The following EHBP1 variants were observed in gnomAD, a reference collection of about 807,000 sequenced individuals.
EHBP1 encodes the protein EH domain binding protein 1, also known as EH domain-binding protein 1.
In EHBP1, 55 loss-of-function variants were observed where a neutral mutation model predicts 144.0. That is an observed-to-expected ratio of 0.38 (90% CI 0.31 to 0.48). The LOEUF is 0.48. Among genes scored for constraint, EHBP1 ranks in the 20% least tolerant of loss-of-function variants. EHBP1 has a pLI of 0.98. For missense variants in EHBP1, 1,200 were observed against 1,364.2 expected (o/e 0.88, Z 1.90); for synonymous variants, 469 against 472.7 (o/e 0.99, Z 0.10).
At chr2:62,783,456 C>G (rs2042584918) in intron 5 of EHBP1, among the ~76,000 whole-genome samples, 1 of 152,248 alleles carries the variant, frequency 6.6e-6, no homozygotes, top group South Asian at 2.1e-4. Flanking sequence ...TCTGCCCCTG[C>G]AGCAAACTTC....
chr2:63,035,923 A>T (rs1207813203), intron 19 of EHBP1, among the ~76,000 whole-genome samples: 1 of 152,074 alleles, frequency 6.6e-6, no homozygotes, highest in Non-Finnish European at 1.5e-5. Context: ...GCTACCCTAA[A>T]AGAGAGATTA....
chr2:62,784,811 C>A (rs906015777), intron 5 of EHBP1, among the ~76,000 whole-genome samples: 3 of 152,074 alleles, frequency 2.0e-5, no homozygotes, highest in Admixed American at 6.5e-5. Flanking sequence ...GTGTGCCATA[C>A]CGAGGAATTT....
intron 19 of EHBP1, among the ~76,000 whole-genome samples, chr2:63,018,886 G>A (rs1250642432): frequency 1.3e-5 from 2 of 152,116 alleles, no homozygotes; most frequent in East Asian, 3.9e-4. Context: ...CCAGGAAAAT[G>A]TGTTTTTCCT....
chr2:63,037,637 A>G lies in EHBP1; in HGVS notation c.3203+3A>G. The G allele has an allele frequency of 6.5e-7, 1 of 1,540,858 alleles. No homozygotes were observed. Among genetic ancestry groups the G allele is most frequent in the African/African-American group, 1.4e-5 (1 of 72,954 alleles). On this transcript the variant is annotated splice_donor_region_variant and intron_variant, in intron 20 of 22. Transcript: ENST00000431489. The stretch of plus-strand genomic sequence containing the variant: ...AGAATGAATCAGCTCTCTCTTCTGT[A>G]AGTACTCATCATTATGCTTGTTTTG...
At chr2:63,038,721 T>C (rs767383976) in intron 20 of EHBP1, 22 bp from the exon 21 acceptor site, 3 of 1,610,290 alleles carry the variant, frequency 1.9e-6, no homozygotes, top group Non-Finnish European at 8.5e-7. Flanking sequence ...AGCATATTGA[T>C]GAACTTTTGC....
At chr2:62,899,351 G>A (rs548021284) in intron 10 of EHBP1, among the ~76,000 whole-genome samples, 1 of 152,116 alleles carries the variant, frequency 6.6e-6, no homozygotes, top group Admixed American at 6.5e-5. Flanking sequence ...AGTGTCTCAA[G>A]GTACAAGACA....
At chr2:63,007,449 G>A (rs1036876801) in intron 19 of EHBP1, among the ~76,000 whole-genome samples, 1 of 151,698 alleles carries the variant, frequency 6.6e-6, no homozygotes, top group African/African-American at 2.4e-5. Flanking sequence ...ATATATGTAG[G>A]TATGTGTGTG....
At chr2:62,830,195 C>CACACACACACACAT (rs1400040654) in intron 6 of EHBP1, among the ~76,000 whole-genome samples, 8 of 116,296 alleles carry the variant, frequency 6.9e-5, no homozygotes, top group Middle Eastern at 4.9e-3. Context: ...CACACACACA[C>CACACACACACACAT]ATATATATAC....
intron 2 of EHBP1, among the ~76,000 whole-genome samples, chr2:62,730,465 CT>C (rs2037400271): frequency 6.6e-6 from 1 of 152,116 alleles, no homozygotes; most frequent in Admixed American, 6.6e-5. Flanking sequence ...TCCTCCATGT[CT>C]TGTGGCTTGA....
chr2:62,826,819 C>T (rs2046375452), intron 6 of EHBP1, among the ~76,000 whole-genome samples: 1 of 152,282 alleles, frequency 6.6e-6, no homozygotes, highest in South Asian at 2.1e-4. Flanking sequence ...AGATTCCATT[C>T]TAGTCTCTTA....
chr2:62,829,825 T>G (rs1417085341), intron 6 of EHBP1, among the ~76,000 whole-genome samples: 1 of 148,256 alleles, frequency 6.7e-6, no homozygotes, highest in African/African-American at 2.5e-5. Flanking sequence ...GGCCATAATT[T>G]AAGAATAAAA....
chr2:62,807,359 C>A (rs1001330911), intron 5 of EHBP1, among the ~76,000 whole-genome samples: 3 of 152,100 alleles, frequency 2.0e-5, no homozygotes, highest in African/African-American at 7.2e-5. Context: ...ACCAGCCTGA[C>A]CAACACGGAG....
chr2:62,846,020 C>T (rs2048268029), intron 7 of EHBP1, among the ~76,000 whole-genome samples: 1 of 152,146 alleles, frequency 6.6e-6, no homozygotes, highest in Non-Finnish European at 1.5e-5. Context: ...AGACTGACGT[C>T]ATCAGGAATA....
chr2:62,795,211 A>G (rs2043454012), intron 5 of EHBP1, among the ~76,000 whole-genome samples: 1 of 152,042 alleles, frequency 6.6e-6, no homozygotes, highest in Non-Finnish European at 1.5e-5. Flanking sequence ...AGTATGGAAG[A>G]ACTCGTAAGG....
At chr2:62,778,902 T>A (rs1227132225) in intron 5 of EHBP1, among the ~76,000 whole-genome samples, 1 of 152,002 alleles carries the variant, frequency 6.6e-6, no homozygotes, top group Non-Finnish European at 1.5e-5. Context: ...TCAAGGCATC[T>A]CACTTCAATG....
chr2:62,704,498 C>T (rs565093343), upstream of EHBP1, among the ~76,000 whole-genome samples: 39 of 152,318 alleles, frequency 2.6e-4, no homozygotes, highest in Admixed American at 2.4e-3. Context: ...ACCCTGCTTT[C>T]CAACCTTCGT....
intron 19 of EHBP1, among the ~76,000 whole-genome samples, chr2:63,018,467 G>A (rs910404961): frequency 6.6e-6 from 1 of 152,190 alleles, no homozygotes; most frequent in Non-Finnish European, 1.5e-5. Context: ...TGGTTCATGC[G>A]ATAGGTTCTG....
chr2:62,698,659 C>G (rs1453992707), intron 1 of EHBP1, among the ~76,000 whole-genome samples: 2 of 152,186 alleles, frequency 1.3e-5, no homozygotes, highest in Non-Finnish European at 2.9e-5. Context: ...GCGGCTCTCA[C>G]AAAGTCATCT....
chr2:63,024,658 A>T (rs980616689), intron 19 of EHBP1, among the ~76,000 whole-genome samples: 1 of 151,816 alleles, frequency 6.6e-6, no homozygotes, highest in African/African-American at 2.4e-5. Flanking sequence ...TTTTAAGACC[A>T]TTTGTTTTTA....
Sources: allele counts gnomAD v4.1 joint callset (sites outside exome capture counted in the v4.1 genomes callset), GRCh38; gene constraint gnomAD v4.1.1; transcripts MANE v1.5; gene names NCBI Gene and HGNC (gene_info 2026-07-23, HGNC 2026-07-21).